The following BRD10 variants were observed in gnomAD, a reference collection of about 807,000 sequenced individuals.
BRD10 encodes the protein bromodomain containing 10.
chr9:5,939,143 C>T, the BRD10 span, among the ~76,000 whole-genome samples: 8 of 152,068 alleles, frequency 5.3e-5, no homozygotes, highest in African/African-American at 1.9e-4. Context: ...GATTAATGCA[C>T]AATAATTTCT....
chr9:5,925,344 G>C, the BRD10 span, among the ~76,000 whole-genome samples: 2 of 135,250 alleles, frequency 1.5e-5, no homozygotes, highest in Admixed American at 8.1e-5. Flanking sequence ...GGGCGACAGA[G>C]CGAGACTCCA....
the BRD10 span, chr9:5,919,555 C>CACACACACACA: frequency 1.5e-6 from 1 of 670,550 alleles, no homozygotes; most frequent in Non-Finnish European, 2.5e-6. Flanking sequence ...CACACACACA[C>CACACACACACA]ACACACACAC....
chr9:5,937,861 C>G, the BRD10 span, among the ~76,000 whole-genome samples: 1 of 152,208 alleles, frequency 6.6e-6, no homozygotes, highest in East Asian at 1.9e-4. Context: ...ATAATGCATT[C>G]TCAAATAATT....
the BRD10 span, among the ~76,000 whole-genome samples, chr9:5,983,587 T>A: frequency 2.0e-4 from 30 of 152,054 alleles, no homozygotes; most frequent in Non-Finnish European, 4.1e-4. Flanking sequence ...AATGTAACTT[T>A]TAGAGATAAA....
the BRD10 span, chr9:6,007,417 C>T: frequency 1.9e-6 from 3 of 1,607,272 alleles, no homozygotes; most frequent in South Asian, 2.2e-5. Flanking sequence ...GCGACCGCCC[C>T]GGCCCCCGCT....
At chr9:5,931,147 G>GA in the BRD10 span, among the ~76,000 whole-genome samples, 1 of 152,188 alleles carries the variant, frequency 6.6e-6, no homozygotes, top group Non-Finnish European at 1.5e-5. Context: ...AGTTACAGGA[G>GA]AAAAATGGCA....
At chr9:5,895,202 A>G in the BRD10 span, among the ~76,000 whole-genome samples, 1 of 152,204 alleles carries the variant, frequency 6.6e-6, no homozygotes, top group East Asian at 1.9e-4. Flanking sequence ...CTGTGAGTGT[A>G]GGAACCCCTG....
the BRD10 span, chr9:5,968,009 G>C: frequency 6.9e-7 from 1 of 1,455,998 alleles, no homozygotes; most frequent in South Asian, 1.3e-5. Flanking sequence ...ATCCATTTGT[G>C]TTAGCTTACC....
At chr9:5,967,169 C>A in the BRD10 span, among the ~76,000 whole-genome samples, 3 of 152,058 alleles carry the variant, frequency 2.0e-5, no homozygotes, top group Non-Finnish European at 2.9e-5. Context: ...TGAAGAGCCA[C>A]CAGATTTTAA....
At chr9:5,920,025 T>C in the BRD10 span, 1 of 1,613,968 alleles carries the variant, frequency 6.2e-7, no homozygotes, top group Non-Finnish European at 8.5e-7. Flanking sequence ...ACAGGAACCT[T>C]AGCAGTTGTG....
the BRD10 span, among the ~76,000 whole-genome samples, chr9:5,983,962 T>TACACACACACACACACACACAC: frequency 1.5e-5 from 2 of 129,638 alleles, no homozygotes; most frequent in African/African-American, 5.9e-5. Context: ...GTATATGCAT[T>TACACACACACACACACACACAC]ACACACACAC....
the BRD10 span, among the ~76,000 whole-genome samples, chr9:5,986,800 T>C: frequency 5.9e-5 from 9 of 152,332 alleles, no homozygotes; most frequent in Non-Finnish European, 7.4e-5. Context: ...AGGGCACACA[T>C]AGATTGATTC....
At chr9:5,977,728 G>C in the BRD10 span, among the ~76,000 whole-genome samples, 1 of 152,070 alleles carries the variant, frequency 6.6e-6, no homozygotes, top group Admixed American at 6.6e-5. Flanking sequence ...CCAGCTACTC[G>C]GGAGGCTGAG....
At chr9:5,932,862 T>C in the BRD10 span, among the ~76,000 whole-genome samples, 60 of 152,292 alleles carry the variant, frequency 3.9e-4, no homozygotes, top group East Asian at 6.9e-3. Flanking sequence ...CATGTAGGTA[T>C]CTCTGTATTA....
chr9:5,905,155 A>G, the BRD10 span, among the ~76,000 whole-genome samples: 1 of 152,196 alleles, frequency 6.6e-6, no homozygotes, highest in Non-Finnish European at 1.5e-5. Flanking sequence ...CCACTTTCAA[A>G]TAACACTATA....
chr9:5,948,373 T>C, the BRD10 span, among the ~76,000 whole-genome samples: 1 of 152,164 alleles, frequency 6.6e-6, no homozygotes, highest in East Asian at 1.9e-4. Flanking sequence ...GAACTTGTAT[T>C]ATAGTTTTAG....
the BRD10 span, chr9:5,924,776 T>C: frequency 6.9e-6 from 11 of 1,601,654 alleles, no homozygotes; most frequent in African/African-American, 8.0e-5. Context: ...CAGTGGTCCA[T>C]AGTTCTCTAT....
chr9:5,951,041 C>G, the BRD10 span, among the ~76,000 whole-genome samples: 1 of 69,288 alleles, frequency 1.4e-5, no homozygotes, highest in Non-Finnish European at 3.2e-5. Flanking sequence ...ACTGTACACA[C>G]ACACACACAC....
chr9:5,886,040 T>C, the BRD10 span, among the ~76,000 whole-genome samples: 1 of 152,216 alleles, frequency 6.6e-6, no homozygotes, highest in Non-Finnish European at 1.5e-5. Flanking sequence ...AGTGGACGCA[T>C]GGCTAGCGGG....
Sources: allele counts gnomAD v4.1 joint callset (sites outside exome capture counted in the v4.1 genomes callset), GRCh38; gene constraint gnomAD v4.1.1; transcripts MANE v1.5; gene names NCBI Gene and HGNC (gene_info 2026-07-23, HGNC 2026-07-21).